HS6ST3: variants seen among roughly 807,000 people sequenced by gnomAD.
HS6ST3 encodes the protein heparan sulfate 6-O-sulfotransferase 3, also known as heparan-sulfate 6-O-sulfotransferase 3.
In HS6ST3, 12 loss-of-function variants were observed where a neutral mutation model predicts 36.7. The observed-to-expected ratio is 0.33, with a 90% CI of 0.21 to 0.53. HS6ST3 has a LOEUF of 0.53. Among genes scored for constraint, HS6ST3 ranks in the 20% least tolerant of loss-of-function variants. The pLI is 0.95. For missense variants in HS6ST3, 584 were observed against 640.9 expected, an observed-to-expected ratio of 0.91 and a Z score of 0.96; for synonymous variants, 240 against 257.5, an observed-to-expected ratio of 0.93 and a Z score of 0.65.
chr13:96,746,324 T>C (rs1204065069), intron 1 of HS6ST3, among the ~76,000 whole-genome samples: 2 of 152,074 alleles, frequency 1.3e-5, no homozygotes, highest in Non-Finnish European at 2.9e-5. Flanking sequence ...TTAAAACAGC[T>C]GCCCCCTAAA....
chr13:96,312,243 C>A (rs2139409684), intron 1 of HS6ST3, among the ~76,000 whole-genome samples: 1 of 152,208 alleles, frequency 6.6e-6, no homozygotes, highest in Non-Finnish European at 1.5e-5. Context: ...ACTTCTCAGA[C>A]TTGGATATGT....
At chr13:96,643,175 A>G (rs2056576158) in intron 1 of HS6ST3, among the ~76,000 whole-genome samples, 1 of 151,928 alleles carries the variant, frequency 6.6e-6, no homozygotes, top group Non-Finnish European at 1.5e-5. Context: ...TCAGCTAATG[A>G]TTGGAAAGAG....
intron 1 of HS6ST3, among the ~76,000 whole-genome samples, chr13:96,639,499 A>G (rs2056562525): frequency 6.6e-6 from 1 of 152,056 alleles, no homozygotes; most frequent in Admixed American, 6.6e-5. Flanking sequence ...TCTTAATAAT[A>G]CATCTATTAA....
At chr13:96,258,545 C>T (rs1594734756) in intron 1 of HS6ST3, among the ~76,000 whole-genome samples, 1 of 152,104 alleles carries the variant, frequency 6.6e-6, no homozygotes. Flanking sequence ...GGATTGGCAG[C>T]CCCTCATACA....
At chr13:96,586,534 G>T (rs1341468686) in intron 1 of HS6ST3, among the ~76,000 whole-genome samples, 1 of 152,082 alleles carries the variant, frequency 6.6e-6, no homozygotes, top group East Asian at 1.9e-4. Flanking sequence ...GACCTCAGAT[G>T]ATCTGCCCGC....
intron 1 of HS6ST3, among the ~76,000 whole-genome samples, chr13:96,553,731 A>G (rs2056228942): frequency 6.6e-6 from 1 of 152,220 alleles, no homozygotes; most frequent in African/African-American, 2.4e-5. Flanking sequence ...GTAGTTCCAG[A>G]GCTTTCTTGA....
chr13:96,803,025 T>C (rs1324739117), intron 1 of HS6ST3, among the ~76,000 whole-genome samples: 1 of 152,188 alleles, frequency 6.6e-6, no homozygotes, highest in Non-Finnish European at 1.5e-5. Flanking sequence ...ACCCTGACTC[T>C]TCATTTTACT....
At chr13:96,592,626 T>TTTCA (rs2056386668) in intron 1 of HS6ST3, among the ~76,000 whole-genome samples, 1 of 152,034 alleles carries the variant, frequency 6.6e-6, no homozygotes, top group Admixed American at 6.6e-5. Flanking sequence ...TTCCTCAGCA[T>TTTCA]TTTATTTATT....
intron 1 of HS6ST3, among the ~76,000 whole-genome samples, chr13:96,393,383 A>G (rs1049354260): frequency 6.6e-6 from 1 of 152,194 alleles, no homozygotes; most frequent in Non-Finnish European, 1.5e-5. Flanking sequence ...TAAATGTGTG[A>G]CAATTTGATG....
At position 96,157,820 on chromosome 13, in the gene HS6ST3, A is replaced by G. The variant is rs1013070764; in HGVS notation, c.707+66251A>G. Among the ~76,000 whole-genome samples, 3 of 152,224 alleles carry G rather than the reference A, an allele frequency of 2.0e-5. No individual in the cohort carries two copies. In the South Asian group the frequency reaches 6.2e-4, roughly 32 times the overall value. On this transcript the variant is annotated intron_variant, in intron 1 of 1. Coordinates refer to ENST00000376705, the MANE Select transcript of HS6ST3 (RefSeq NM_153456.4). ...AAGTGTTATTTCGAATGCGGATTCTATATAAACCTTACCAGACAGATGGAT... is the reference window on the plus strand; with the variant it reads ...AAGTGTTATTTCGAATGCGGATTCTGTATAAACCTTACCAGACAGATGGAT...
rs553480807 is a variant in HS6ST3, at chr13:96,128,845, T to C, written c.707+37276T>C. 1.9e-3 allele frequency among the ~76,000 whole-genome samples: 290 copies of C among 150,928 alleles called. 1 individual carries two copies. Among genetic ancestry groups the C allele is most frequent in the Middle Eastern group, 0.01 (3 of 292 alleles). On this transcript the variant is annotated intron_variant, in intron 1 of 1. Transcript: ENST00000376705. ...AGAGGTTTATCAAAGTATTTTTTTT[T>C]CCCCTGTGCTTTTTTTTTTTGGCGG...
chr13:96,146,407 C>G (rs2054058514), intron 1 of HS6ST3, among the ~76,000 whole-genome samples: 1 of 152,126 alleles, frequency 6.6e-6, no homozygotes, highest in Non-Finnish European at 1.5e-5. Context: ...ATTTTATTCT[C>G]TTTGAAGCAA....
intron 1 of HS6ST3, among the ~76,000 whole-genome samples, chr13:96,801,246 C>G (rs1304554085): frequency 3.9e-5 from 6 of 152,092 alleles, no homozygotes; most frequent in African/African-American, 1.2e-4. Context: ...CCCAAGGATG[C>G]AAAACATTGA....
At chr13:96,213,102 G>A (rs1045534585) in intron 1 of HS6ST3, among the ~76,000 whole-genome samples, 1 of 152,138 alleles carries the variant, frequency 6.6e-6, no homozygotes, top group African/African-American at 2.4e-5. Flanking sequence ...ATGCAATTTT[G>A]TACTTGCTTA....
chr13:96,771,590 G>A (rs1877267527), intron 1 of HS6ST3, among the ~76,000 whole-genome samples: 1 of 152,184 alleles, frequency 6.6e-6, no homozygotes, highest in African/African-American at 2.4e-5. Flanking sequence ...GGAGAAAGCA[G>A]ATGTACATTT....
intron 1 of HS6ST3, among the ~76,000 whole-genome samples, chr13:96,347,236 G>A (rs1364241784): frequency 6.6e-6 from 1 of 152,158 alleles, no homozygotes; most frequent in African/African-American, 2.4e-5. Context: ...ATGCTACACA[G>A]AAATAGATAA....
chr13:96,670,141 T>TA (rs1208371698), intron 1 of HS6ST3, among the ~76,000 whole-genome samples: 1 of 151,978 alleles, frequency 6.6e-6, no homozygotes, highest in Non-Finnish European at 1.5e-5. Context: ...AGGTCAGAGA[T>TA]AAAAAAGAAA....
chr13:96,733,320 G>T (rs895843326), intron 1 of HS6ST3, among the ~76,000 whole-genome samples: 1 of 152,174 alleles, frequency 6.6e-6, no homozygotes, highest in African/African-American at 2.4e-5. Flanking sequence ...TATGTAATTT[G>T]TTGAGAGTTT....
intron 1 of HS6ST3, among the ~76,000 whole-genome samples, chr13:96,355,774 A>C (rs2055207348): frequency 6.6e-6 from 1 of 152,090 alleles, no homozygotes; most frequent in Non-Finnish European, 1.5e-5. Context: ...CAATAAATTG[A>C]TTGACTCTTC....
Sources: allele counts gnomAD v4.1 joint callset (sites outside exome capture counted in the v4.1 genomes callset), GRCh38; gene constraint gnomAD v4.1.1; transcripts MANE v1.5; gene names NCBI Gene and HGNC (gene_info 2026-07-23, HGNC 2026-07-21).